Variants in CAMTA1 observed in about 807,000 individuals in gnomAD.
The protein encoded by CAMTA1 is calmodulin-binding transcription activator 1.
Under a neutral mutation model 170.9 loss-of-function variants are expected in CAMTA1, and 27 were observed. The observed-to-expected ratio is 0.16, with a 90% CI of 0.12 to 0.22. CAMTA1 has a LOEUF of 0.22. Among genes scored for constraint, CAMTA1 ranks in the 10% least tolerant of loss-of-function variants. CAMTA1 has a pLI of 1.00. For synonymous variants in CAMTA1, 833 were observed against 891.5 expected (o/e 0.93, Z 1.17); for missense variants, 1,619 against 2,217.2 (o/e 0.73, Z 5.42).
chr1:6,881,863 A>G (rs1671720882), intron 3 of CAMTA1, among the ~76,000 whole-genome samples: 1 of 152,148 alleles, frequency 6.6e-6, no homozygotes, highest in South Asian at 2.1e-4. Context: ...GCTATACGGG[A>G]GGCTGAGGCA....
At position 7,131,244 on chromosome 1, in the gene CAMTA1, G is replaced by A. The variant is rs1054617966; in HGVS notation, c.302+39873G>A. On this transcript the variant is annotated intron_variant, in intron 4 of 22. Transcript: ENST00000303635. ...CAGGATTACAGGTGCGAGCCACTGC[G>A]CCCGGCCGCCTTTTCATTTTTATAA... Among the ~76,000 whole-genome samples the A allele has an allele frequency of 2.8e-4, 43 of 152,176 alleles. 1 individual carries two copies. Among genetic ancestry groups the A allele is most frequent in the Middle Eastern group, 3.4e-3 (1 of 294 alleles).
intron 5 of CAMTA1, among the ~76,000 whole-genome samples, chr1:7,296,186 C>T (rs1330868603): frequency 2.0e-5 from 3 of 152,178 alleles, no homozygotes; most frequent in African/African-American, 4.8e-5. Context: ...AGAGTGAACA[C>T]GCCAGGGACC....
At chr1:7,312,975 T>C (rs1322799319) in intron 5 of CAMTA1, among the ~76,000 whole-genome samples, 1 of 152,208 alleles carries the variant, frequency 6.6e-6, no homozygotes, top group Non-Finnish European at 1.5e-5. Flanking sequence ...ATTTATTTAT[T>C]TCTATCTCGT....
intron 4 of CAMTA1, among the ~76,000 whole-genome samples, chr1:7,109,768 T>C (rs1160820526): frequency 6.6e-6 from 1 of 152,172 alleles, no homozygotes; most frequent in Non-Finnish European, 1.5e-5. Flanking sequence ...AGCTGACTCC[T>C]TAGTGTTTGA....
Position 7,435,662 on chromosome 1 carries a change from A to G in CAMTA1, c.439-32168A>G, listed in dbSNP as rs1170243865. 6.6e-6 allele frequency among the ~76,000 whole-genome samples: 1 copy of G among 152,150 alleles called. No individual in the cohort carries two copies. The highest frequency in any genetic ancestry group is 1.5e-5 in the Non-Finnish European group (1 of 68,028). On this transcript the variant is annotated intron_variant, in intron 5 of 22. Transcript: ENST00000303635. This position sits in a 1 kb window ranked among gnomAD's most constrained non-coding sequence, Gnocchi z 4.4. The stretch of plus-strand genomic sequence containing the variant: ...GAAAGAACCAGGCAGCCTCCTTCTG[A>G]CCAGGCAAGGGCTGGCCGCCGTTCT...
chr1:7,396,555 G>A (rs1203680691), intron 5 of CAMTA1, among the ~76,000 whole-genome samples: 3 of 152,094 alleles, frequency 2.0e-5, no homozygotes, highest in Admixed American at 2.0e-4. Flanking sequence ...GGTAAAAGAG[G>A]GCATCATTGT....
chr1:7,421,972 G>A (rs552895656), intron 5 of CAMTA1, among the ~76,000 whole-genome samples: 1 of 142,640 alleles, frequency 7.0e-6, no homozygotes, highest in South Asian at 2.4e-4. Context: ...GCCGTGGCTG[G>A]GGGAGTGGAG....
chr1:7,040,771 T>A (rs1176931231), intron 3 of CAMTA1, among the ~76,000 whole-genome samples: 1 of 151,626 alleles, frequency 6.6e-6, no homozygotes, highest in Non-Finnish European at 1.5e-5. Context: ...CGGTCCAGGC[T>A]GGCGTGTGCA....
chr1:7,098,504 CG>C (rs916723524), intron 4 of CAMTA1, among the ~76,000 whole-genome samples: 2 of 152,188 alleles, frequency 1.3e-5, no homozygotes, highest in African/African-American at 4.8e-5. Flanking sequence ...GTACCTGTCA[CG>C]TAGTTTTCAT....
Position 7,736,277 on chromosome 1 carries a change from C to A in CAMTA1, c.3067-67C>A. The A allele has an allele frequency of 7.5e-7, 1 of 1,329,866 alleles. No individual in the cohort carries two copies. Among genetic ancestry groups the A allele is most frequent in the Non-Finnish European group, 1.1e-6 (1 of 944,830 alleles). The allele number at this position is 1,329,866 out of a possible 1,614,324, so 82.4% of individuals were successfully genotyped here. A position where few individuals can be genotyped will look rare whatever the true frequency, so the allele number is the denominator to read the frequency against. ...AATCGTAAAGCATTTGTTTCCCCTA[C>A]ATCGAAGCGCTGATGGGGTCGAGGG... is the stretch of plus-strand genomic sequence containing the variant. On this transcript the variant is annotated intron_variant, in intron 12 of 22. Transcript: ENST00000303635. The surrounding 1 kb of genome is among the most constrained non-coding windows in gnomAD (Gnocchi z 4.5).
At chr1:6,924,384 A>T (rs1355962047) in intron 3 of CAMTA1, among the ~76,000 whole-genome samples, 1 of 151,958 alleles carries the variant, frequency 6.6e-6, no homozygotes, top group Non-Finnish European at 1.5e-5. Flanking sequence ...GGGCTTGCTG[A>T]GCGGACCTTG....
At chr1:7,083,421 T>A (rs1284325332) in intron 3 of CAMTA1, among the ~76,000 whole-genome samples, 1 of 152,180 alleles carries the variant, frequency 6.6e-6, no homozygotes, top group Non-Finnish European at 1.5e-5. Context: ...AGATTGGGGA[T>A]GTTGGTTTAG....
chr1:7,552,402 T>C (rs767938857), intron 6 of CAMTA1, among the ~76,000 whole-genome samples: 35 of 152,332 alleles, frequency 2.3e-4, no homozygotes, highest in Non-Finnish European at 3.7e-4. Context: ...CCAGGAGCCA[T>C]TCCCAGTTGT....
chr1:7,203,542 A>G (rs1310077685), intron 4 of CAMTA1, among the ~76,000 whole-genome samples: 1 of 142,634 alleles, frequency 7.0e-6, no homozygotes, highest in Non-Finnish European at 1.5e-5. Flanking sequence ...TGTTATAGGT[A>G]TTAATATATT....
At chr1:7,436,735 G>C (rs117035669) in intron 5 of CAMTA1, among the ~76,000 whole-genome samples, 1 of 152,164 alleles carries the variant, frequency 6.6e-6, no homozygotes, top group Non-Finnish European at 1.5e-5. Flanking sequence ...TTTAGTTTCT[G>C]TCTCTTATTA....
chr1:6,941,443 C>T (rs1459255279), intron 3 of CAMTA1, among the ~76,000 whole-genome samples: 3 of 152,118 alleles, frequency 2.0e-5, no homozygotes, highest in South Asian at 2.1e-4. Flanking sequence ...AAGCCGTGAC[C>T]GGGAGAGTGT....
intron 3 of CAMTA1, among the ~76,000 whole-genome samples, chr1:6,910,316 C>T (rs941291008): frequency 1.3e-5 from 2 of 152,230 alleles, no homozygotes; most frequent in African/African-American, 4.8e-5. Flanking sequence ...AAGCTGTAGT[C>T]TCAAAACACC....
At chr1:7,447,385 G>A (rs2092706046) in intron 5 of CAMTA1, among the ~76,000 whole-genome samples, 1 of 143,770 alleles carries the variant, frequency 7.0e-6, no homozygotes, top group South Asian at 2.2e-4. Flanking sequence ...GGTTGATAGT[G>A]TTGGGCCTGC....
chr1:7,124,228 G>T (rs1015145025), intron 4 of CAMTA1, among the ~76,000 whole-genome samples: 2 of 152,084 alleles, frequency 1.3e-5, no homozygotes, highest in African/African-American at 4.8e-5. Context: ...TGTGTTCTGT[G>T]CTCTTTTCCC....
Sources: gnomAD v4.1 joint callset for allele counts (sites outside exome capture counted in the v4.1 genomes callset) on GRCh38, gnomAD v4.1.1 for gene constraint, Gnocchi (gnomAD v3.1) non-coding constraint, MANE v1.5 for transcripts, NCBI Gene and HGNC (gene_info 2026-07-23, HGNC 2026-07-21) for gene names.